The following DSE variants were observed in gnomAD, a reference collection of about 807,000 sequenced individuals.
DSE encodes the protein dermatan sulfate epimerase, also known as dermatan-sulfate epimerase.
In DSE, 36 loss-of-function variants were observed where a neutral mutation model predicts 84.4. That is an observed-to-expected ratio of 0.43 (90% confidence interval 0.33 to 0.56). DSE has a LOEUF of 0.56. Among genes scored for constraint, DSE ranks in the 20% least tolerant of loss-of-function variants. DSE has a pLI of 0.06. For missense variants in DSE, 862 were observed against 1,169.6 expected (o/e 0.74, Z 3.84); for synonymous variants, 410 against 430.1 (o/e 0.95, Z 0.58).
At chr6:116,271,964 A>G (rs545653064) in intron 2 of DSE, among the ~76,000 whole-genome samples, 1 of 152,338 alleles carries the variant, frequency 6.6e-6, no homozygotes, top group Admixed American at 6.5e-5. Context: ...AATGTCCTCA[A>G]GCTTTACCGT....
chr6:116,408,888 T>C (rs542830114), intron 2 of DSE, among the ~76,000 whole-genome samples: 4 of 152,358 alleles, frequency 2.6e-5, no homozygotes, highest in African/African-American at 9.6e-5. Context: ...TTATTCACTT[T>C]AAAGCCACCT....
At position 116,395,379 on chromosome 6, in the gene DSE, C is replaced by T. The variant is rs577827715; in HGVS notation, c.-53-3819C>T. On this transcript the variant is annotated intron_variant, in intron 1 of 5. Coordinates refer to ENST00000644252, the MANE Select transcript of DSE (RefSeq NM_013352.4). ...GGCAGAGCTTGCAGTGAGCCGAGAT[C>T]GGGCCACTGCACTCCAGCCTGGGCG... Among the ~76,000 whole-genome samples the T allele has an allele frequency of 1.1e-4, 17 of 151,172 alleles. No homozygotes were observed. The South Asian group carries it at 3.1e-3, about 28-fold the overall frequency.
chr6:116,258,303 A>C (rs1046319136), intron 1 of DSE: 12 of 438,978 alleles, frequency 2.7e-5, no homozygotes, highest in Non-Finnish European at 4.6e-5. Context: ...GGTGTGAGCC[A>C]CCGGACCTGG....
Position 116,436,931 on chromosome 6 carries a change from T to A in DSE, c.2463T>A (p.Ala821=), listed in dbSNP as rs573467261. The part of the protein sequence containing the change: ...RAGKRYKFVD[A]VPDIFAQIEV... ...GCAAACGCTATAAATTTGTGGATGC[T>A]GTCCCTGATATTTTTGCACAGATTG... The change falls in exon 6 of 6, where the codon GCT becomes GCA. Residue 821 remains alanine, a synonymous_variant. Transcript: ENST00000644252. The A allele has an allele frequency of 3.7e-6, 6 of 1,614,118 alleles. 1 individual carries two copies. The highest frequency in any genetic ancestry group is 3.3e-5 in the South Asian group (3 of 91,076).
chr6:116,430,132 T>A (rs1176977802), intron 3 of DSE, among the ~76,000 whole-genome samples: 1 of 152,234 alleles, frequency 6.6e-6, no homozygotes, highest in Admixed American at 6.5e-5. Context: ...GTAGCTCATT[T>A]TTTGGCAGAT....
intron 1 of DSE, among the ~76,000 whole-genome samples, chr6:116,375,052 A>G (rs2114929280): frequency 6.6e-6 from 1 of 152,356 alleles, no homozygotes; most frequent in South Asian, 2.1e-4. Context: ...TGTTTGGGTG[A>G]CACAGCAAAA....
chr6:116,386,490 A>G (rs1780584371), intron 1 of DSE, among the ~76,000 whole-genome samples: 1 of 152,252 alleles, frequency 6.6e-6, no homozygotes, highest in African/African-American at 2.4e-5. Flanking sequence ...AACAGGCATA[A>G]GCTTCTAGGT....
In DSE at chr6:116,433,617, G is replaced by GC; in HGVS notation, c.1118+67_1118+68insC. On this transcript the variant is annotated intron_variant, in intron 5 of 5. Coordinates refer to ENST00000644252, the MANE Select transcript of DSE (RefSeq NM_013352.4). ...AGGGTACTATTCATGCTATGCACTTGTTTTTTTGCATTTAAAAAGAAAAAC... is the reference window on the plus strand; with the variant it reads ...AGGGTACTATTCATGCTATGCACTTGCTTTTTTTGCATTTAAAAAGAAAAAC... 3 of 1,474,262 alleles carry GC rather than the reference G, an allele frequency of 2.0e-6. No homozygotes were observed. The South Asian group carries it at 3.9e-5, about 19-fold the overall frequency. 91.3% of individuals were successfully genotyped at this position (1,474,262 alleles called of 1,614,324 possible).
chr6:116,425,417 T>C (rs976348362), intron 2 of DSE, among the ~76,000 whole-genome samples: 1 of 152,100 alleles, frequency 6.6e-6, no homozygotes, highest in African/African-American at 2.4e-5. Context: ...CACTTGGAGA[T>C]TACTCAAATA....
chr6:116,346,414 AT>A (rs1372191654), intron 2 of DSE, among the ~76,000 whole-genome samples: 1 of 152,236 alleles, frequency 6.6e-6, no homozygotes, highest in Non-Finnish European at 1.5e-5. Context: ...CAAAAAGCTT[AT>A]CCACCATGAT....
intron 2 of DSE, among the ~76,000 whole-genome samples, chr6:116,415,669 A>G (rs1583202048): frequency 6.8e-6 from 1 of 146,636 alleles, no homozygotes. Flanking sequence ...GGTTTCTTCA[A>G]CTTTTCTCCC....
intron 2 of DSE, among the ~76,000 whole-genome samples, chr6:116,296,595 G>T (rs192638821): frequency 6.6e-6 from 1 of 152,212 alleles, no homozygotes; most frequent in Admixed American, 6.5e-5. Flanking sequence ...GAAGGTGTCA[G>T]ATGTAAAGAT....
intron 2 of DSE, among the ~76,000 whole-genome samples, chr6:116,349,782 A>T (rs1290385823): frequency 6.6e-6 from 1 of 152,218 alleles, no homozygotes; most frequent in Non-Finnish European, 1.5e-5. Context: ...TTCAGGCTAG[A>T]ATGCCACAGG....
At chr6:116,385,561 A>C (rs1027496982) in intron 1 of DSE, among the ~76,000 whole-genome samples, 3 of 152,164 alleles carry the variant, frequency 2.0e-5, no homozygotes, top group Non-Finnish European at 4.4e-5. Context: ...AATTACTGGC[A>C]GGATTAGTTG....
upstream of DSE, chr6:116,370,025 G>A (rs1779414465): frequency 1.1e-5 from 13 of 1,142,594 alleles, no homozygotes; most frequent in Middle Eastern, 2.3e-4. Context: ...TATTCCTGAG[G>A]TGATGGCCCT....
intron 3 of DSE, among the ~76,000 whole-genome samples, chr6:116,428,750 TATAAA>T (rs1350040922): frequency 6.6e-6 from 1 of 152,228 alleles, no homozygotes; most frequent in African/African-American, 2.4e-5. Flanking sequence ...TATGGTTAAA[TATAAA>T]ATGAGTATAT....
intron 2 of DSE, among the ~76,000 whole-genome samples, chr6:116,270,310 G>C (rs998811498): frequency 1.3e-5 from 2 of 152,062 alleles, no homozygotes; most frequent in Non-Finnish European, 2.9e-5. Context: ...TTAACAACAA[G>C]AGCATGTTGT....
chr6:116,338,219 CTTTTTTTTT>C (rs893312210), intron 2 of DSE, among the ~76,000 whole-genome samples: 3 of 91,190 alleles, frequency 3.3e-5, no homozygotes, highest in African/African-American at 9.3e-5. Flanking sequence ...TTTCTTCTTT[CTTTTTTTTT>C]TTTTTTTTTT....
intron 2 of DSE, among the ~76,000 whole-genome samples, chr6:116,299,516 A>G (rs1022430103): frequency 8.2e-5 from 2 of 24,370 alleles, no homozygotes; most frequent in East Asian, 0.027. Flanking sequence ...ATATATATAT[A>G]TATATATATA....
Sources: gnomAD v4.1 joint callset for allele counts (sites outside exome capture counted in the v4.1 genomes callset) on GRCh38, gnomAD v4.1.1 for gene constraint, MANE v1.5 for transcripts, NCBI Gene and HGNC (gene_info 2026-07-23, HGNC 2026-07-21) for gene names.